Variants in CACNB4 observed in about 807,000 individuals in gnomAD.
The protein encoded by CACNB4 is calcium voltage-gated channel auxiliary subunit beta 4.
Under a neutral mutation model 71.2 loss-of-function variants are expected in CACNB4, and 32 were observed. The ratio of observed to expected loss-of-function variants is 0.45; its 90% confidence interval spans 0.34 to 0.60. The LOEUF (loss-of-function observed/expected upper bound fraction) is 0.60, where lower values mean the gene tolerates loss of function less well. Among genes scored for constraint, CACNB4 ranks in the 20% least tolerant of loss-of-function variants. CACNB4 has a pLI of 0.01. For missense variants in CACNB4, 464 were observed against 647.9 expected (o/e 0.72, Z 3.08); for synonymous variants, 231 against 236.9 (o/e 0.97, Z 0.23).
chr2:152,037,080 C>T (rs906323901), intron 2 of CACNB4, among the ~76,000 whole-genome samples: 1 of 152,218 alleles, frequency 6.6e-6, no homozygotes, highest in African/African-American at 2.4e-5. Context: ...ACACTTGCGG[C>T]TCAGGCCAGT....
chr2:151,890,189 CA>C (rs1054188670), intron 2 of CACNB4, among the ~76,000 whole-genome samples: 2 of 152,144 alleles, frequency 1.3e-5, no homozygotes, highest in Non-Finnish European at 2.9e-5. Flanking sequence ...AATAGGTTTT[CA>C]AAAATGTTGG....
intron 6 of CACNB4, chr2:151,872,053 G>C (rs1016862335): frequency 7.5e-6 from 2 of 268,202 alleles, no homozygotes; most frequent in Non-Finnish European, 1.4e-5. Flanking sequence ...ACTGAAAACA[G>C]CATTTTCTTG....
At chr2:151,894,084 T>C (rs1286687026) in intron 2 of CACNB4, among the ~76,000 whole-genome samples, 1 of 152,156 alleles carries the variant, frequency 6.6e-6, no homozygotes, top group African/African-American at 2.4e-5. Context: ...TTACCTCAGC[T>C]TAGGAGTTCA....
At chr2:152,043,282 T>C (rs1238603321) in intron 2 of CACNB4, among the ~76,000 whole-genome samples, 1 of 152,230 alleles carries the variant, frequency 6.6e-6, no homozygotes, top group Non-Finnish European at 1.5e-5. Context: ...TTCTAATTAT[T>C]TCTTGTGCAA....
At chr2:152,043,757 C>A (rs912095754) in intron 2 of CACNB4, among the ~76,000 whole-genome samples, 3 of 152,156 alleles carry the variant, frequency 2.0e-5, no homozygotes, top group African/African-American at 7.2e-5. Flanking sequence ...TCACTTATTT[C>A]TTTTGTTAAA....
At chr2:152,018,713 G>C (rs1683484024) in intron 2 of CACNB4, among the ~76,000 whole-genome samples, 1 of 151,756 alleles carries the variant, frequency 6.6e-6, no homozygotes, top group Non-Finnish European at 1.5e-5. Context: ...TGAGATAGGA[G>C]AATCACTTTG....
At chr2:151,971,972 A>G (rs897148986) in intron 2 of CACNB4, 2 of 191,860 alleles carry the variant, frequency 1.0e-5, no homozygotes, top group African/African-American at 5.1e-5. Flanking sequence ...ACCTAGCACT[A>G]CCCGCCATCA....
At chr2:151,933,849 C>A (rs1415305693) in intron 2 of CACNB4, among the ~76,000 whole-genome samples, 1 of 151,710 alleles carries the variant, frequency 6.6e-6, no homozygotes, top group Non-Finnish European at 1.5e-5. Context: ...GGCAGCTATT[C>A]CTAAGACATA....
intron 2 of CACNB4, among the ~76,000 whole-genome samples, chr2:151,912,406 G>A (rs576948863): frequency 6.6e-6 from 1 of 152,254 alleles, no homozygotes; most frequent in South Asian, 2.1e-4. Context: ...CTTGATTTCT[G>A]CCTTAATTTC....
At chr2:152,039,683 G>A (rs1684776149) in intron 2 of CACNB4, among the ~76,000 whole-genome samples, 1 of 152,212 alleles carries the variant, frequency 6.6e-6, no homozygotes, top group Non-Finnish European at 1.5e-5. Flanking sequence ...TGCATGGCAG[G>A]CAGGCAAGGC....
At chr2:151,920,964 C>T (rs1230417864) in intron 2 of CACNB4, among the ~76,000 whole-genome samples, 3 of 151,796 alleles carry the variant, frequency 2.0e-5, no homozygotes, top group Non-Finnish European at 4.4e-5. Context: ...CAGTGAAACC[C>T]CGTCTCTACT....
intron 2 of CACNB4, chr2:151,971,772 C>T: frequency 1.7e-6 from 1 of 604,000 alleles, no homozygotes; most frequent in South Asian, 1.9e-5. Context: ...TCTCTCTCTT[C>T]CCCTGATTTA....
At chr2:152,076,392 G>A (rs984812784) in intron 2 of CACNB4, among the ~76,000 whole-genome samples, 2 of 145,350 alleles carry the variant, frequency 1.4e-5, no homozygotes, top group Non-Finnish European at 3.0e-5. Flanking sequence ...TTGAACTCCT[G>A]ACCTTGTGAT....
At chr2:152,006,088 G>C (rs1682708682) in intron 2 of CACNB4, among the ~76,000 whole-genome samples, 1 of 152,208 alleles carries the variant, frequency 6.6e-6, no homozygotes, top group Non-Finnish European at 1.5e-5. Flanking sequence ...CAGCCAGGAA[G>C]ATATGCCTCA....
At chr2:151,914,924 C>T (rs530131334) in intron 2 of CACNB4, among the ~76,000 whole-genome samples, 1 of 152,294 alleles carries the variant, frequency 6.6e-6, no homozygotes, top group South Asian at 2.1e-4. Context: ...TATAGGGTGT[C>T]TGACAACCCC....
intron 2 of CACNB4, among the ~76,000 whole-genome samples, chr2:152,030,557 C>A (rs947691133): frequency 1.3e-5 from 2 of 152,084 alleles, no homozygotes; most frequent in Non-Finnish European, 2.9e-5. Flanking sequence ...TGTGCTGCAC[C>A]CATTAACTTG....
intron 2 of CACNB4, among the ~76,000 whole-genome samples, chr2:152,004,891 T>C (rs1682637777): frequency 6.6e-6 from 1 of 152,212 alleles, no homozygotes; most frequent in Non-Finnish European, 1.5e-5. Context: ...TCTGTTTCTC[T>C]TTCTTAAGGA....
chr2:152,098,734 C>T lies in CACNB4; in HGVS notation c.63+215G>A. On this transcript the variant is annotated intron_variant, in intron 1 of 13. Coordinates refer to ENST00000539935, the MANE Select transcript of CACNB4 (RefSeq NM_000726.5). The surrounding 1 kb of genome is among the most constrained non-coding windows in gnomAD (Gnocchi z 5.3). ...GGCTCCGGAGCGGGAGCGCAGAGAC[C>T]CGAAGGAGGGTGAGGAGGAGGAGGA... 1 of 1,541,952 alleles carries T rather than the reference C, an allele frequency of 6.5e-7. No individual in the cohort carries two copies. Among genetic ancestry groups the T allele is most frequent in the South Asian group, 1.2e-5 (1 of 83,238 alleles).
chr2:151,886,112 C>G (rs1419120975), intron 2 of CACNB4, among the ~76,000 whole-genome samples: 1 of 152,000 alleles, frequency 6.6e-6, no homozygotes, highest in African/African-American at 2.4e-5. Flanking sequence ...TGTGCCTGAC[C>G]CAGTGTTTCT....
Sources: gnomAD v4.1 joint callset for allele counts (sites outside exome capture counted in the v4.1 genomes callset) on GRCh38, gnomAD v4.1.1 for gene constraint, Gnocchi (gnomAD v3.1) non-coding constraint, MANE v1.5 for transcripts, NCBI Gene and HGNC (gene_info 2026-07-23, HGNC 2026-07-21) for gene names.